Variants in EXOC4 observed in about 807,000 individuals in gnomAD.
EXOC4 encodes SEC8-like 1.
EXOC4 carries 71 observed loss-of-function variants against 107.2 expected under a neutral mutation model. That is an observed-to-expected ratio of 0.66 (90% CI 0.55 to 0.81). The LOEUF is 0.81. EXOC4 is among the 30% of genes least tolerant of loss of function. EXOC4 has a pLI of 0.00. For missense variants in EXOC4, 1,108 were observed against 1,189.6 expected, an observed-to-expected ratio of 0.93 and a Z score of 1.01; for synonymous variants, 456 against 441.2, an observed-to-expected ratio of 1.03 and a Z score of -0.42.
intron 11 of EXOC4, among the ~76,000 whole-genome samples, chr7:133,880,215 T>A (rs185112907): frequency 3.7e-4 from 57 of 152,316 alleles, no homozygotes; most frequent in African/African-American, 1.3e-3. Context: ...TGTTTCCTGT[T>A]CTAATTGATG....
At chr7:133,607,233 A>G (rs187408381) in intron 9 of EXOC4, among the ~76,000 whole-genome samples, 1 of 152,348 alleles carries the variant, frequency 6.6e-6, no homozygotes, top group African/African-American at 2.4e-5. Flanking sequence ...AATGGTTTGT[A>G]TAGTTGAAAG....
intron 17 of EXOC4, among the ~76,000 whole-genome samples, chr7:134,021,847 A>G (rs943664264): frequency 2.0e-5 from 3 of 152,072 alleles, no homozygotes; most frequent in African/African-American, 7.2e-5. Context: ...GCAGGCATTA[A>G]CACTGCATCT....
chr7:133,933,060 C>G (rs77782139), intron 13 of EXOC4, among the ~76,000 whole-genome samples: 1 of 138,324 alleles, frequency 7.2e-6, no homozygotes, highest in South Asian at 2.3e-4. Context: ...TTTTTTTTTT[C>G]TTTTTTGCTT....
intron 9 of EXOC4, among the ~76,000 whole-genome samples, chr7:133,602,382 T>C (rs1801829466): frequency 6.6e-6 from 1 of 152,218 alleles, no homozygotes; most frequent in Non-Finnish European, 1.5e-5. Flanking sequence ...AAGTTCTGGC[T>C]CTTTTCCCAT....
At chr7:134,008,780 C>A (rs1378180025) in intron 17 of EXOC4, among the ~76,000 whole-genome samples, 1 of 140,476 alleles carries the variant, frequency 7.1e-6, no homozygotes, top group Non-Finnish European at 1.5e-5. Context: ...AGGCGAACAC[C>A]ACCATGCCTG....
At chr7:133,865,704 T>TA (rs1798623570) in intron 11 of EXOC4, among the ~76,000 whole-genome samples, 1 of 152,140 alleles carries the variant, frequency 6.6e-6, no homozygotes, top group Admixed American at 6.5e-5. Flanking sequence ...AGGCACATCT[T>TA]ACCATTGCAG....
At chr7:133,918,722 ATT>A (rs1274849001) in intron 13 of EXOC4, among the ~76,000 whole-genome samples, 1 of 109,318 alleles carries the variant, frequency 9.1e-6, no homozygotes, top group Admixed American at 7.9e-5. Context: ...ACAGTGAAAC[ATT>A]TTCACCTCTG....
rs1796618783 is a variant in EXOC4 at position 133,787,966 on chromosome 7, TATATATATATA to T, written c.1515-29358_1515-29348del. On this transcript the variant is annotated intron_variant, in intron 10 of 17. Transcript: ENST00000253861. ...CCCTGTGCATATATTTATATATTTATATATATATATATATATATATATATATATATATATAT... is the reference window on the plus strand; with the variant it reads ...CCCTGTGCATATATTTATATATTTATTATATATATATATATATATATATAT... Among the ~76,000 whole-genome samples, 14 of 16,492 alleles carry T rather than the reference TATATATATATA, an allele frequency of 8.5e-4. 2 individuals are homozygous for T. Among genetic ancestry groups the T allele is most frequent in the African/African-American group, 1.9e-3 (9 of 4,648 alleles). 10.8% of individuals were successfully genotyped at this position (16,492 alleles called of 152,430 possible).
chr7:133,859,351 C>G (rs998463786), intron 11 of EXOC4, among the ~76,000 whole-genome samples: 3 of 152,172 alleles, frequency 2.0e-5, no homozygotes, highest in Admixed American at 2.0e-4. Context: ...CATCTAAAGA[C>G]GAATTATCTC....
At chr7:133,718,504 T>C (rs1024788111) in intron 10 of EXOC4, among the ~76,000 whole-genome samples, 1 of 152,170 alleles carries the variant, frequency 6.6e-6, no homozygotes, top group Admixed American at 6.5e-5. Flanking sequence ...CAGCCCATTG[T>C]CCAGGCAACA....
chr7:133,395,620 G>A (rs1347453065), intron 7 of EXOC4, among the ~76,000 whole-genome samples: 1 of 151,936 alleles, frequency 6.6e-6, no homozygotes, highest in Non-Finnish European at 1.5e-5. Flanking sequence ...ATGTGATTCT[G>A]GAGGAAGTGA....
intron 9 of EXOC4, among the ~76,000 whole-genome samples, chr7:133,615,918 A>G (rs1275919104): frequency 6.6e-6 from 1 of 152,180 alleles, no homozygotes; most frequent in Non-Finnish European, 1.5e-5. Flanking sequence ...TGTAGCAGTA[A>G]TTTTATGTGA....
chr7:133,762,275 C>A (rs1468980835), intron 10 of EXOC4, among the ~76,000 whole-genome samples: 1 of 151,952 alleles, frequency 6.6e-6, no homozygotes, highest in Non-Finnish European at 1.5e-5. Flanking sequence ...TATATTATAT[C>A]TACAAAAGGG....
chr7:133,855,116 T>TATATATATAAATATATATAA (rs1563028533), intron 11 of EXOC4, among the ~76,000 whole-genome samples: 1 of 79,588 alleles, frequency 1.3e-5, no homozygotes, highest in African/African-American at 6.7e-5. Context: ...TATATATAAA[T>TATATATATAAATATATATAA]ATATATATAT....
intron 17 of EXOC4, among the ~76,000 whole-genome samples, chr7:134,027,470 C>T (rs1795166205): frequency 6.6e-6 from 1 of 151,938 alleles, no homozygotes; most frequent in African/African-American, 2.4e-5. Flanking sequence ...CCATCCTGGC[C>T]AACATGGTGG....
chr7:133,388,562 A>T (rs1796780521), intron 7 of EXOC4, among the ~76,000 whole-genome samples: 1 of 152,108 alleles, frequency 6.6e-6, no homozygotes, highest in Non-Finnish European at 1.5e-5. Context: ...AGGCAGGAGA[A>T]TCGCTTGAAC....
At chr7:134,056,834 A>G (rs776828971) in intron 17 of EXOC4, among the ~76,000 whole-genome samples, 53 of 152,298 alleles carry the variant, frequency 3.5e-4, no homozygotes, top group Non-Finnish European at 6.9e-4. Flanking sequence ...CCCCATTTCA[A>G]TGACTGTAAC....
At chr7:133,686,553 A>T (rs947565880) in intron 10 of EXOC4, among the ~76,000 whole-genome samples, 2 of 152,218 alleles carry the variant, frequency 1.3e-5, no homozygotes, top group African/African-American at 4.8e-5. Context: ...ATCAAAAAGT[A>T]GGCTAAGGAC....
intron 9 of EXOC4, among the ~76,000 whole-genome samples, chr7:133,583,930 T>C (rs1008300219): frequency 6.6e-6 from 1 of 152,202 alleles, no homozygotes; most frequent in Admixed American, 6.5e-5. Flanking sequence ...GTGGTTGCTT[T>C]AGTTAGAGAT....
Sources: gnomAD v4.1 joint callset for allele counts (sites outside exome capture counted in the v4.1 genomes callset) on GRCh38, gnomAD v4.1.1 for gene constraint, MANE v1.5 for transcripts, NCBI Gene and HGNC (gene_info 2026-07-23, HGNC 2026-07-21) for gene names.